ACTL8: variants seen among roughly 807,000 people sequenced by gnomAD.
ACTL8 encodes actin like 8, also known as actin-like protein 8.
A neutral mutation model predicts 9.3 loss-of-function variants in ACTL8; 3 were observed. The observed-to-expected ratio is 0.32, with a 90% confidence interval of 0.15 to 0.83. The LOEUF (loss-of-function observed/expected upper bound fraction) is 0.83. Ranked by LOEUF, ACTL8 falls within the 40% of genes least tolerant of loss-of-function variation. ACTL8 has a pLI of 0.57. For missense variants in ACTL8, 381 were observed against 492.2 expected (o/e 0.77, Z 2.14); for synonymous variants, 224 against 205.9 (o/e 1.09, Z -0.75).
intron 1 of ACTL8, among the ~76,000 whole-genome samples, chr1:17,757,419 G>C (rs2065975438): frequency 6.6e-6 from 1 of 152,160 alleles, no homozygotes; most frequent in Non-Finnish European, 1.5e-5. Context: ...ATGGAATGGG[G>C]GCAGTTGTTG....
intron 1 of ACTL8, among the ~76,000 whole-genome samples, chr1:17,764,632 G>T (rs1168031002): frequency 1.3e-5 from 2 of 152,036 alleles, no homozygotes; most frequent in East Asian, 1.9e-4. Flanking sequence ...CGTCCTCCTT[G>T]TGTCGCCCCC....
At position 17,782,378 on chromosome 1, in the gene ACTL8, ATT is replaced by A. The variant is rs368151880; in HGVS notation, c.-25+26883_-25+26884del. Among the ~76,000 whole-genome samples the A allele has an allele frequency of 2.7e-5, 4 of 150,310 alleles. No homozygotes were observed. The South Asian group carries it at 8.4e-4, about 32-fold the overall frequency. ...TAAAAGTTAAATGACTTATCTTGTC[ATT>A]TTTTTTTTGTTAAACGCTATAAAGC... On this transcript the variant is annotated intron_variant, in intron 1 of 2. Transcript: ENST00000375406.
chr1:17,826,350 T>C lies in ACTL8; in HGVS notation c.932T>C (p.Leu311Pro). 2 of 1,614,046 alleles carry C rather than the reference T, an allele frequency of 1.2e-6. No individual in the cohort carries two copies. The highest frequency in any genetic ancestry group is 1.7e-6 in the Non-Finnish European group (2 of 1,179,976). ...NTLYPGFTKR[L>P]FRELMGDHVS... ...CTCTATCCCGGGTTCACAAAGCGCCTGTTCAGGGAGCTGATGGGGGATCAC... is the reference window on the plus strand; with the variant it reads ...CTCTATCCCGGGTTCACAAAGCGCCCGTTCAGGGAGCTGATGGGGGATCAC... Residue 311 changes from leucine to proline, a missense_variant, in exon 3 of 3, where the codon CTG becomes CCG. Leu to Pro is a moderately conservative substitution (Grantham distance 98). Transcript: ENST00000375406. This position sits in a 1 kb window ranked among gnomAD's most constrained non-coding sequence, Gnocchi z 4.5.
At chr1:17,806,242 T>C (rs952672843) in intron 1 of ACTL8, among the ~76,000 whole-genome samples, 1 of 152,232 alleles carries the variant, frequency 6.6e-6, no homozygotes, top group Non-Finnish European at 1.5e-5. Context: ...TAATGGGGGT[T>C]TCTGAATGCC....
chr1:17,810,698 C>T (rs141837496), intron 1 of ACTL8, among the ~76,000 whole-genome samples: 21 of 152,304 alleles, frequency 1.4e-4, no homozygotes, highest in African/African-American at 3.8e-4. Context: ...GCCCCAGAAA[C>T]GACTGATCTG....
At chr1:17,810,566 A>T (rs1315772372) in intron 1 of ACTL8, among the ~76,000 whole-genome samples, 1 of 152,072 alleles carries the variant, frequency 6.6e-6, no homozygotes, top group African/African-American at 2.4e-5. Flanking sequence ...GCTTTTTTTG[A>T]TGTATAGTTC....
At chr1:17,815,382 T>A (rs2066419753) in intron 1 of ACTL8, among the ~76,000 whole-genome samples, 1 of 152,224 alleles carries the variant, frequency 6.6e-6, no homozygotes, top group African/African-American at 2.4e-5. Flanking sequence ...CATCTAAGAA[T>A]GTCTTAACTT....
chr1:17,795,603 C>T (rs1042444047), intron 1 of ACTL8, among the ~76,000 whole-genome samples: 2 of 152,158 alleles, frequency 1.3e-5, no homozygotes, highest in African/African-American at 4.8e-5. Context: ...GGAAACGTTG[C>T]AGCACACACC....
intron 1 of ACTL8, among the ~76,000 whole-genome samples, chr1:17,814,840 A>G (rs1002036357): frequency 1.3e-5 from 2 of 152,222 alleles, no homozygotes; most frequent in African/African-American, 4.8e-5. Flanking sequence ...AAGACTCCAT[A>G]TCTACCAACA....
At position 17,819,045 on chromosome 1, in the gene ACTL8, C is replaced by T. The variant is rs571983191; in HGVS notation, c.-24-3940C>T. Among the ~76,000 whole-genome samples, 55 of 152,316 alleles carry T rather than the reference C, an allele frequency of 3.6e-4. 1 individual carries two copies. Among genetic ancestry groups the T allele is most frequent in the African/African-American group, 1.2e-3 (50 of 41,568 alleles). ...AGTCATGTGCCAGGGGAAGAATGGCCCCTGCCTCCCAGCCTCCTCCTCCCA... is the reference window on the plus strand; with the variant it reads ...AGTCATGTGCCAGGGGAAGAATGGCTCCTGCCTCCCAGCCTCCTCCTCCCA... On this transcript the variant is annotated intron_variant, in intron 1 of 2. Transcript: ENST00000375406.
chr1:17,820,181 TGCCAGCG>T (rs1416958255), intron 1 of ACTL8, among the ~76,000 whole-genome samples: 1 of 152,186 alleles, frequency 6.6e-6, no homozygotes, highest in Admixed American at 6.5e-5. Flanking sequence ...ACCACCTGGC[TGCCAGCG>T]GCCACTGATC....
At chr1:17,776,395 G>A (rs1422178527) in intron 1 of ACTL8, among the ~76,000 whole-genome samples, 1 of 152,178 alleles carries the variant, frequency 6.6e-6, no homozygotes, top group Non-Finnish European at 1.5e-5. Context: ...GGACTGCTGG[G>A]TTGGTCCTGA....
intron 1 of ACTL8, among the ~76,000 whole-genome samples, chr1:17,804,530 G>T (rs1201344543): frequency 6.6e-6 from 1 of 152,138 alleles, no homozygotes; most frequent in Non-Finnish European, 1.5e-5. Context: ...GAGGACACAG[G>T]GACCCAGCAA....
In ACTL8 at chr1:17,785,570, G is replaced by A. The variant is rs1599970; in HGVS notation, c.-25+30066G>A. On this transcript the variant is annotated intron_variant, in intron 1 of 2. Coordinates refer to ENST00000375406, the MANE Select transcript of ACTL8 (RefSeq NM_030812.3). ...TACACTGCCTTGCTGGTCCTTCAGGGTCTTAGATTTCAACCCTCTCATCCC... is the reference window on the plus strand; with the variant it reads ...TACACTGCCTTGCTGGTCCTTCAGGATCTTAGATTTCAACCCTCTCATCCC... 7.9e-5 allele frequency among the ~76,000 whole-genome samples: 12 copies of A among 152,206 alleles called. 1 individual carries two copies. The highest frequency in any genetic ancestry group is 2.1e-4 in the South Asian group (1 of 4,822).
intron 1 of ACTL8, among the ~76,000 whole-genome samples, chr1:17,814,634 A>G (rs2124186437): frequency 6.6e-6 from 1 of 152,218 alleles, no homozygotes; most frequent in East Asian, 1.9e-4. Context: ...AAGACTCCAT[A>G]TCTACCAACA....
At chr1:17,824,601 AAAT>A (rs1378664398) in intron 2 of ACTL8, among the ~76,000 whole-genome samples, 1 of 152,194 alleles carries the variant, frequency 6.6e-6, no homozygotes, top group Non-Finnish European at 1.5e-5. Flanking sequence ...GATAAATTAC[AAAT>A]AATGTCTTAG....
chr1:17,802,424 C>CGTGCGTGTGTGT (rs1486912826), intron 1 of ACTL8, among the ~76,000 whole-genome samples: 1 of 146,594 alleles, frequency 6.8e-6, no homozygotes, highest in South Asian at 2.2e-4. Context: ...ACTGTGCGTG[C>CGTGCGTGTGTGT]GTGTGTGTGT....
In ACTL8 at chr1:17,767,678, G is replaced by A. The variant is rs1356415424; in HGVS notation, c.-25+12174G>A. Among the ~76,000 whole-genome samples, 1 of 152,146 alleles carries A rather than the reference G, an allele frequency of 6.6e-6. No individual in the cohort carries two copies. Among genetic ancestry groups the A allele is most frequent in the African/African-American group, 2.4e-5 (1 of 41,412 alleles). ...CTCACCATGTTTATCCTCCATAGGT[G>A]CTTTATTATTATTTTTGGCATCTGC... On this transcript the variant is annotated intron_variant, in intron 1 of 2. Coordinates refer to ENST00000375406, the MANE Select transcript of ACTL8 (RefSeq NM_030812.3). The surrounding 1 kb of genome is among the most constrained non-coding windows in gnomAD (Gnocchi z 4.7).
intron 1 of ACTL8, among the ~76,000 whole-genome samples, chr1:17,789,806 T>C (rs2066224949): frequency 6.6e-6 from 1 of 152,204 alleles, no homozygotes; most frequent in Non-Finnish European, 1.5e-5. Context: ...AATGCCTGGC[T>C]CTGACCATAC....
Sources: gnomAD v4.1 joint callset for allele counts (sites outside exome capture counted in the v4.1 genomes callset) on GRCh38, gnomAD v4.1.1 for gene constraint, Gnocchi (gnomAD v3.1) non-coding constraint, MANE v1.5 for transcripts, NCBI Gene and HGNC (gene_info 2026-07-23, HGNC 2026-07-21) for gene names.